Variants in PROS1 observed in about 807,000 individuals in gnomAD.
PROS1 encodes vitamin K-dependent protein S.
PROS1 carries 29 observed loss-of-function variants against 75.9 expected under a neutral mutation model. That is an observed-to-expected ratio of 0.38 (90% CI 0.28 to 0.52). The LOEUF (loss-of-function observed/expected upper bound fraction) is 0.52, where lower values mean the gene tolerates loss of function less well. Ranked by LOEUF, PROS1 falls within the 20% of genes least tolerant of loss-of-function variation. PROS1 has a pLI of 0.83. For missense variants in PROS1, 680 were observed against 810.3 expected, an observed-to-expected ratio of 0.84 and a Z score of 1.95; for synonymous variants, 245 against 280.6, an observed-to-expected ratio of 0.87 and a Z score of 1.27.
At chr3:93,879,624 A>C (rs746951643) in intron 12 of PROS1, among the ~76,000 whole-genome samples, 5 of 152,130 alleles carry the variant, frequency 3.3e-5, no homozygotes, top group Non-Finnish European at 5.9e-5. Flanking sequence ...TTGCACATTC[A>C]CCAATGCTCA....
intron 1 of PROS1, among the ~76,000 whole-genome samples, chr3:93,931,820 C>T (rs1158651835): frequency 1.3e-5 from 2 of 152,208 alleles, no homozygotes; most frequent in African/African-American, 4.8e-5. Context: ...CCATGACTCC[C>T]GCTGCCACAG....
At chr3:93,901,259 C>T (rs1180230146) in intron 6 of PROS1, among the ~76,000 whole-genome samples, 1 of 152,146 alleles carries the variant, frequency 6.6e-6, no homozygotes, top group Non-Finnish European at 1.5e-5. Context: ...TCCATATTAT[C>T]ACAAGTATTT....
At chr3:93,896,170 C>T (rs2107154598) in intron 9 of PROS1, among the ~76,000 whole-genome samples, 1 of 152,100 alleles carries the variant, frequency 6.6e-6, no homozygotes, top group South Asian at 2.1e-4. Context: ...AAATTTTTTC[C>T]TTAATAATTT....
At chr3:93,902,949 C>G (rs1359051128) in intron 6 of PROS1, among the ~76,000 whole-genome samples, 1 of 152,014 alleles carries the variant, frequency 6.6e-6, no homozygotes, top group Admixed American at 6.5e-5. Context: ...TCACTGCAAG[C>G]TCTGCCTCCC....
intron 7 of PROS1, among the ~76,000 whole-genome samples, chr3:93,899,169 C>T (rs1252318665): frequency 1.3e-5 from 2 of 151,056 alleles, no homozygotes; most frequent in Non-Finnish European, 3.0e-5. Flanking sequence ...TTTAAAAAAC[C>T]TCACTGTGAT....
At position 93,879,253 on chromosome 3, in the gene PROS1, C is replaced by T. The variant is rs754209314; in HGVS notation, c.1554G>A (p.Thr518=). The change falls in exon 13 of 15, where the codon ACG becomes ACA. Residue 518 remains threonine (T), a synonymous_variant. Transcript: ENST00000394236. ...VNVTLNIRPS[T]GTGVMLALVS... The stretch of plus-strand genomic sequence containing the variant: ...CCAAGGCAAGCATAACACCAGTGCC[C>T]GTGGATGGACGAATATTCAAGGTCA... The T allele has an allele frequency of 1.1e-5, 18 of 1,613,882 alleles. No homozygotes were observed. Among genetic ancestry groups the T allele is most frequent in the East Asian group, 2.2e-5 (1 of 44,870 alleles).
At chr3:93,967,121 C>T (rs1709803811) in intron 1 of PROS1, among the ~76,000 whole-genome samples, 1 of 152,184 alleles carries the variant, frequency 6.6e-6, no homozygotes, top group African/African-American at 2.4e-5. Flanking sequence ...ATGAACTTTC[C>T]TTCACTAAGG....
intron 6 of PROS1, among the ~76,000 whole-genome samples, chr3:93,904,362 C>T (rs1708643104): frequency 6.6e-6 from 1 of 152,118 alleles, no homozygotes; most frequent in Non-Finnish European, 1.5e-5. Context: ...CTCAAACAGA[C>T]CTTCAAATAG....
chr3:93,968,684 A>G (rs1295103486), intron 1 of PROS1, among the ~76,000 whole-genome samples: 1 of 152,200 alleles, frequency 6.6e-6, no homozygotes, highest in Non-Finnish European at 1.5e-5. Context: ...CTGAATTATA[A>G]GCTCAGACTG....
At chr3:93,900,091 A>T (rs947794190) in intron 7 of PROS1, among the ~76,000 whole-genome samples, 1 of 152,212 alleles carries the variant, frequency 6.6e-6, no homozygotes, top group Non-Finnish European at 1.5e-5. Context: ...ATTTTAAAAA[A>T]TCGAAAGGAA....
chr3:93,966,818 A>AG (rs914013396), intron 1 of PROS1, among the ~76,000 whole-genome samples: 1 of 152,070 alleles, frequency 6.6e-6, no homozygotes, highest in Non-Finnish European at 1.5e-5. Context: ...CCAAAAAAAA[A>AG]AAAAAAAAAG....
chr3:93,876,584 A>T (rs1708191235), intron 14 of PROS1, among the ~76,000 whole-genome samples: 1 of 108,570 alleles, frequency 9.2e-6, no homozygotes, highest in African/African-American at 3.8e-5. Context: ...GCCAGACTCC[A>T]TCTCAAAAAA....
intron 1 of PROS1, among the ~76,000 whole-genome samples, chr3:93,960,955 C>T (rs539721422): frequency 8.0e-5 from 12 of 150,362 alleles, no homozygotes; most frequent in South Asian, 2.1e-4. Flanking sequence ...AAAACAAAGG[C>T]GGTTTTTTAA....
In PROS1 at chr3:93,873,228, G is replaced by A. The variant is rs566589234; in HGVS notation, c.*1017C>T. 2.0e-5 allele frequency: 3 copies of A among 152,282 alleles called. No individual in the cohort carries two copies. The highest frequency in any genetic ancestry group is 1.9e-4 in the East Asian group (1 of 5,186). 9.4% of individuals were successfully genotyped at this position (152,282 alleles called of 1,614,324 possible). A position where few individuals can be genotyped will look rare whatever the true frequency, so the allele number is the denominator to read the frequency against. On this transcript the variant is annotated 3_prime_UTR_variant, in exon 15 of 15. Transcript: ENST00000394236. Reference sequence around the variant, plus strand: ...CTGGCTATGAATGGTAGATTCAAACGTGATAAAACTGCCACTTGAAATGCA... The same window carrying A: ...CTGGCTATGAATGGTAGATTCAAACATGATAAAACTGCCACTTGAAATGCA...
intron 1 of PROS1, among the ~76,000 whole-genome samples, chr3:93,941,601 C>T (rs1241885037): frequency 6.6e-6 from 1 of 152,190 alleles, no homozygotes; most frequent in African/African-American, 2.4e-5. Flanking sequence ...GCTTTAGAGA[C>T]TGCTCCCACA....
At position 93,927,281 on chromosome 3, in the gene PROS1, GCTT is replaced by G. The variant is rs1709033502; in HGVS notation, c.200_202del (p.Glu67del). On this transcript the variant is annotated inframe_deletion, in exon 2 of 15. Transcript: ENST00000394236. ...CGGGTCATTTTCAAAGACCTCCCTG[GCTT>G]CTTCTTTATTGCACAGTTCTTCGAT... is the stretch of plus-strand genomic sequence containing the variant. 1 of 1,612,614 alleles carries G rather than the reference GCTT, an allele frequency of 6.2e-7. No homozygotes were observed. The highest frequency in any genetic ancestry group is 1.7e-5 in the Admixed American group (1 of 59,996).
chr3:93,893,158 G>T, intron 9 of PROS1, 36 bp from the exon 10 acceptor site: 1 of 1,548,862 alleles, frequency 6.5e-7, no homozygotes, highest in South Asian at 1.1e-5. Context: ...TTAAGAGTAA[G>T]AAATACAGAA....
intron 1 of PROS1, chr3:93,958,643 G>A (rs909906802): frequency 6.6e-6 from 1 of 152,236 alleles, no homozygotes; most frequent in Non-Finnish European, 1.5e-5. Context: ...ACTGGTGGGA[G>A]AAAATTGAAT....
intron 1 of PROS1, among the ~76,000 whole-genome samples, chr3:93,968,322 G>A (rs987069898): frequency 1.3e-5 from 2 of 152,178 alleles, no homozygotes; most frequent in African/African-American, 2.4e-5. Context: ...GGAAAACGAT[G>A]TGAAGACACA....
Sources: gnomAD v4.1 joint callset for allele counts (sites outside exome capture counted in the v4.1 genomes callset) on GRCh38, gnomAD v4.1.1 for gene constraint, MANE v1.5 for transcripts, NCBI Gene and HGNC (gene_info 2026-07-23, HGNC 2026-07-21) for gene names.